The following KIF26B variants were observed in gnomAD, a reference collection of about 807,000 sequenced individuals.
KIF26B encodes kinesin family member 26B.
Under a neutral mutation model 151.2 loss-of-function variants are expected in KIF26B, and 63 were observed. The ratio of observed to expected loss-of-function variants is 0.42; its 90% CI spans 0.34 to 0.51. The LOEUF is 0.51. Ranked by LOEUF, KIF26B falls within the 20% of genes least tolerant of loss-of-function variation. KIF26B has a pLI of 0.07. For missense variants in KIF26B, 2,813 were observed against 2,913.6 expected (o/e 0.97, Z 0.79); for synonymous variants, 1,357 against 1,262.1 (o/e 1.08, Z -1.59).
At chr1:245,377,005 C>T (rs1673292555) in intron 3 of KIF26B, among the ~76,000 whole-genome samples, 1 of 151,926 alleles carries the variant, frequency 6.6e-6, no homozygotes, top group African/African-American at 2.4e-5. Context: ...ACCTCTGCCT[C>T]CTGGGTTCAA....
intron 3 of KIF26B, among the ~76,000 whole-genome samples, chr1:245,374,871 G>A (rs780342454): frequency 6.6e-6 from 1 of 152,076 alleles, no homozygotes; most frequent in Non-Finnish European, 1.5e-5. Flanking sequence ...ATATGGATGG[G>A]GCCGTGGTCT....
intron 2 of KIF26B, among the ~76,000 whole-genome samples, chr1:245,217,431 C>T (rs1393558770): frequency 6.7e-6 from 1 of 150,240 alleles, no homozygotes; most frequent in African/African-American, 2.5e-5. Context: ...ATGGCACAAT[C>T]TCGGCCCGCT....
At chr1:245,524,558 G>A (rs61829937) in intron 4 of KIF26B, among the ~76,000 whole-genome samples, 161 of 152,192 alleles carry the variant, frequency 1.1e-3, no homozygotes, top group Non-Finnish European at 2.0e-3. Flanking sequence ...AATGTTTATG[G>A]AATAACATGA....
chr1:245,653,067 T>C (rs2044037160), intron 10 of KIF26B, among the ~76,000 whole-genome samples: 1 of 152,170 alleles, frequency 6.6e-6, no homozygotes, highest in South Asian at 2.1e-4. Context: ...AGCCTGCTAA[T>C]CCTAGCAGAG....
chr1:245,561,901 C>G (rs369378051), intron 5 of KIF26B, among the ~76,000 whole-genome samples: 1 of 152,176 alleles, frequency 6.6e-6, no homozygotes, highest in African/African-American at 2.4e-5. Flanking sequence ...CAGAGGTGGT[C>G]CTGCCTCTTC....
intron 4 of KIF26B, among the ~76,000 whole-genome samples, chr1:245,427,829 G>T (rs139540611): frequency 0.014 from 2,111 of 152,210 alleles, 52 homozygotes; most frequent in African/African-American, 0.048. Context: ...ATCTCAGTCT[G>T]CCTATTCCAG....
intron 5 of KIF26B, among the ~76,000 whole-genome samples, chr1:245,546,210 T>TG (rs1017805092): frequency 6.6e-5 from 10 of 152,128 alleles, no homozygotes; most frequent in African/African-American, 2.4e-4. Flanking sequence ...GTTTTGGTTT[T>TG]GTTTTTTTTG....
chr1:245,532,715 G>A (rs1221672021), intron 4 of KIF26B, among the ~76,000 whole-genome samples: 1 of 151,756 alleles, frequency 6.6e-6, no homozygotes, highest in African/African-American at 2.4e-5. Context: ...TTGAAGTCAT[G>A]TCATGAATTA....
Position 245,366,899 on chromosome 1 carries a change from G to T in KIF26B, c.531G>T (p.Trp177Cys). 1 of 1,614,040 alleles carries T rather than the reference G, an allele frequency of 6.2e-7. No individual in the cohort carries two copies. Among genetic ancestry groups the T allele is most frequent in the Non-Finnish European group, 8.5e-7 (1 of 1,179,906 alleles). ...LQVPNTIRKA[W>C]NDRDNRCDIC... ...TCCCCAACACCATCCGGAAGGCATG[G>T]AACGACCGGGACAACCGCTGTGACA... is the stretch of plus-strand genomic sequence containing the variant. The change falls in exon 3 of 15, where the codon TGG becomes TGT. Residue 177 changes from tryptophan (W) to cysteine (C), a missense_variant. Trp to Cys is a radical substitution (Grantham distance 215, BLOSUM62 -2). Around this residue, in one of 3 missense-constraint regions of KIF26B, gnomAD observed 676 missense variants for 688.1 expected, o/e 0.98. Transcript: ENST00000407071.
intron 2 of KIF26B, among the ~76,000 whole-genome samples, chr1:245,321,661 A>G (rs1315577316): frequency 6.6e-6 from 1 of 152,238 alleles, no homozygotes; most frequent in Non-Finnish European, 1.5e-5. Flanking sequence ...AGCTTGCCCA[A>G]GTAAAGACCA....
At position 245,386,062 on chromosome 1, in the gene KIF26B, G is replaced by A. The variant is rs188008150; in HGVS notation, c.999+18695G>A. On this transcript the variant is annotated intron_variant, in intron 3 of 14. Coordinates refer to ENST00000407071, the MANE Select transcript of KIF26B (RefSeq NM_018012.4). ...TCAAGACCACCCTGGCCAACATGGTGAAACCCCATCTCTACTAAAAATACA... is the reference window on the plus strand; with the variant it reads ...TCAAGACCACCCTGGCCAACATGGTAAAACCCCATCTCTACTAAAAATACA... Among the ~76,000 whole-genome samples, 20 of 152,150 alleles carry A rather than the reference G, an allele frequency of 1.3e-4. No homozygotes were observed. The East Asian group carries it at 3.9e-3, about 29-fold the overall frequency.
intron 2 of KIF26B, among the ~76,000 whole-genome samples, chr1:245,284,979 C>T (rs188093582): frequency 1.1e-3 from 168 of 152,324 alleles, no homozygotes; most frequent in Admixed American, 3.9e-3. Flanking sequence ...GTGGAGGTTG[C>T]GGTGAGCAGA....
intron 4 of KIF26B, among the ~76,000 whole-genome samples, chr1:245,448,551 G>T (rs1449494643): frequency 6.6e-6 from 1 of 152,150 alleles, no homozygotes; most frequent in Non-Finnish European, 1.5e-5. Context: ...AAGGTATTTT[G>T]TTATAGCAGC....
chr1:245,611,173 T>G (rs2043516371), intron 8 of KIF26B, among the ~76,000 whole-genome samples: 1 of 152,250 alleles, frequency 6.6e-6, no homozygotes, highest in Non-Finnish European at 1.5e-5. Context: ...CTCCTAAATT[T>G]AGATGAGACA....
chr1:245,179,322 A>G (rs1286513431), intron 2 of KIF26B, among the ~76,000 whole-genome samples: 3 of 152,262 alleles, frequency 2.0e-5, no homozygotes, highest in Non-Finnish European at 2.9e-5. Context: ...GTTAAATACT[A>G]TGGATTCAAA....
At chr1:245,633,470 G>A (rs987709790) in intron 9 of KIF26B, among the ~76,000 whole-genome samples, 10 of 151,598 alleles carry the variant, frequency 6.6e-5, no homozygotes, top group African/African-American at 2.4e-4. Flanking sequence ...TGATGATTTG[G>A]TAGTTTATTG....
chr1:245,504,895 T>A (rs1660701777), intron 4 of KIF26B, among the ~76,000 whole-genome samples: 1 of 152,210 alleles, frequency 6.6e-6, no homozygotes, highest in African/African-American at 2.4e-5. Flanking sequence ...TCCTATGGAA[T>A]GACAAACTAA....
intron 2 of KIF26B, among the ~76,000 whole-genome samples, chr1:245,209,968 G>T (rs988661999): frequency 6.6e-6 from 1 of 152,248 alleles, no homozygotes; most frequent in Admixed American, 6.5e-5. Flanking sequence ...CTGTTAACCT[G>T]TGGGGGTCAG....
chr1:245,517,061 C>CA (rs1660985037), intron 4 of KIF26B, among the ~76,000 whole-genome samples: 1 of 152,182 alleles, frequency 6.6e-6, no homozygotes, highest in South Asian at 2.1e-4. Context: ...AAGAGTTGAA[C>CA]ATGAATATAA....
Sources: gnomAD v4.1 joint callset for allele counts (sites outside exome capture counted in the v4.1 genomes callset) on GRCh38, gnomAD v4.1.1 for gene constraint, gnomAD v4.1.1 regional missense constraint, MANE v1.5 for transcripts, NCBI Gene and HGNC (gene_info 2026-07-23, HGNC 2026-07-21) for gene names.